UNC13C: variants seen among roughly 807,000 people sequenced by gnomAD.
The protein encoded by UNC13C is protein unc-13 homolog C.
Under a neutral mutation model 245.4 loss-of-function variants are expected in UNC13C, and 174 were observed. The ratio of observed to expected loss-of-function variants is 0.71; its 90% CI spans 0.63 to 0.80. The LOEUF is 0.80. Among genes scored for constraint, UNC13C ranks in the 30% least tolerant of loss-of-function variants. UNC13C has a pLI of 0.00. For synonymous variants in UNC13C, 992 were observed against 895.1 expected (o/e 1.11, Z -1.93); for missense variants, 2,829 against 2,602.9 (o/e 1.09, Z -1.89).
chr15:54,501,659 C>T (rs574416746), intron 22 of UNC13C, among the ~76,000 whole-genome samples: 144 of 151,950 alleles, frequency 9.5e-4, no homozygotes, highest in Non-Finnish European at 1.9e-3. Context: ...TGAAAGATGA[C>T]GTGAAAAGGG....
chr15:54,525,646 C>T lies in UNC13C; in HGVS notation c.5546+9C>T, dbSNP rs1239712048. On this transcript the variant is annotated intron_variant, in intron 25 of 32. Coordinates refer to ENST00000260323, the MANE Select transcript of UNC13C (RefSeq NM_001080534.3). ...GTCACTTATGGTGAAAGGTAAGTGG[C>T]CTCTGTTGTCATTATCTAAATTAGA... The T allele has an allele frequency of 3.1e-6, 5 of 1,606,244 alleles. No individual in the cohort carries two copies. Among genetic ancestry groups the T allele is most frequent in the African/African-American group, 1.3e-5 (1 of 74,746 alleles).
chr15:54,132,074 C>CTTTTTCTTTTT (rs1555420958), intron 2 of UNC13C, among the ~76,000 whole-genome samples: 1 of 110,646 alleles, frequency 9.0e-6, no homozygotes, highest in Non-Finnish European at 2.0e-5. Context: ...TTTTCTTTTT[C>CTTTTTCTTTTT]TTTTTTTTTT....
In UNC13C at chr15:54,622,424, AC is replaced by A. The variant is rs777863469; in HGVS notation, c.6199+6del. The A allele has an allele frequency of 5.0e-6, 8 of 1,606,108 alleles. No homozygotes were observed. Among genetic ancestry groups the A allele is most frequent in the Non-Finnish European group, 6.8e-6 (8 of 1,173,074 alleles). On this transcript the variant is annotated splice_donor_region_variant and intron_variant, in intron 31 of 32. Transcript: ENST00000260323. ...ATCATAAAGTCACTGTAAAAGGTATACTTCTGGTCTAGATAAATCAAAACAG... is the reference window on the plus strand; with the variant it reads ...ATCATAAAGTCACTGTAAAAGGTATATTCTGGTCTAGATAAATCAAAACAG...
the UNC13C span, among the ~76,000 whole-genome samples, chr15:53,927,917 G>A: frequency 6.6e-6 from 1 of 152,160 alleles, no homozygotes; most frequent in African/African-American, 2.4e-5. Flanking sequence ...ATGATAGAAT[G>A]CGCAAAATTA....
chr15:54,481,302 A>T (rs948928054), intron 19 of UNC13C, among the ~76,000 whole-genome samples: 2 of 152,030 alleles, frequency 1.3e-5, no homozygotes, highest in Non-Finnish European at 2.9e-5. Flanking sequence ...CAGGCCCATG[A>T]GTGGTGCATG....
At chr15:54,391,909 T>C (rs1461235160) in intron 17 of UNC13C, among the ~76,000 whole-genome samples, 1 of 152,058 alleles carries the variant, frequency 6.6e-6, no homozygotes, top group African/African-American at 2.4e-5. Flanking sequence ...CTGGAACATA[T>C]GCATATACAA....
At chr15:53,847,184 A>G in the UNC13C span, among the ~76,000 whole-genome samples, 1 of 152,202 alleles carries the variant, frequency 6.6e-6, no homozygotes, top group Non-Finnish European at 1.5e-5. Context: ...TTAACTTTCT[A>G]CAAACAAAGT....
At chr15:53,996,650 C>A (rs1904110) in intron 1 of UNC13C, among the ~76,000 whole-genome samples, 73,852 of 151,904 alleles carry the variant, frequency 0.49, 19,055 homozygotes, top group Non-Finnish European at 0.58. Context: ...CATAGCCAAC[C>A]GTGTTTCAGA....
intron 18 of UNC13C, among the ~76,000 whole-genome samples, chr15:54,404,121 AAACT>A (rs2040244623): frequency 1.3e-5 from 2 of 152,344 alleles, no homozygotes; most frequent in African/African-American, 4.8e-5. Flanking sequence ...AGGGCACAAC[AAACT>A]GTCTCTTAAG....
chr15:54,545,228 G>GA (rs931424471), intron 26 of UNC13C, among the ~76,000 whole-genome samples: 5 of 152,170 alleles, frequency 3.3e-5, no homozygotes, highest in Admixed American at 6.5e-5. Flanking sequence ...ATGATGTTGG[G>GA]AAAACTGGCT....
chr15:54,436,683 A>G (rs2140983868), intron 19 of UNC13C, among the ~76,000 whole-genome samples: 1 of 151,922 alleles, frequency 6.6e-6, no homozygotes, highest in Middle Eastern at 3.4e-3. Flanking sequence ...GTCAAGGGGA[A>G]GAAGAGCCTT....
At position 54,319,577 on chromosome 15, in the gene UNC13C, T is replaced by C. The variant is rs548473012; in HGVS notation, c.4269-2362T>C. ...GCACCTTTAAAGATTTAACCTTTTT[T>C]GTTAATCAGTATTATGACAAAGTAG... On this transcript the variant is annotated intron_variant, in intron 13 of 32. Transcript: ENST00000260323. 8.5e-5 allele frequency among the ~76,000 whole-genome samples: 13 copies of C among 152,080 alleles called. No individual in the cohort carries two copies. The South Asian group carries it at 2.1e-3, about 24-fold the overall frequency.
intron 19 of UNC13C, among the ~76,000 whole-genome samples, chr15:54,416,458 A>G (rs2040523153): frequency 6.6e-6 from 1 of 152,058 alleles, no homozygotes; most frequent in Admixed American, 6.6e-5. Flanking sequence ...TCACACCAGA[A>G]CTGCTCAGAG....
At chr15:54,297,772 GTCAGACATGAC>G in intron 11 of UNC13C, 28 bp from the exon 12 acceptor site, 1 of 1,427,530 alleles carries the variant, frequency 7.0e-7, no homozygotes, top group African/African-American at 1.4e-5. Flanking sequence ...AAACATTATT[GTCAGACATGAC>G]TGACCAATTG....
intron 19 of UNC13C, among the ~76,000 whole-genome samples, chr15:54,481,524 T>G (rs1397523444): frequency 6.6e-6 from 1 of 152,102 alleles, no homozygotes; most frequent in East Asian, 1.9e-4. Flanking sequence ...GTTGGATCAG[T>G]CCCCAGGTCC....
intron 24 of UNC13C, chr15:54,512,377 G>A (rs1438615362): frequency 2.2e-6 from 1 of 455,856 alleles, no homozygotes; most frequent in Non-Finnish European, 4.4e-6. Flanking sequence ...TCTTTTATGA[G>A]GTTTGTGATA....
chr15:54,352,039 A>G (rs1450944858), intron 17 of UNC13C, among the ~76,000 whole-genome samples: 2 of 151,822 alleles, frequency 1.3e-5, no homozygotes, highest in Non-Finnish European at 2.9e-5. Context: ...CAGAGATAGA[A>G]TTAAAGTTAA....
intron 11 of UNC13C, among the ~76,000 whole-genome samples, chr15:54,297,083 C>T (rs963470776): frequency 1.3e-5 from 2 of 152,170 alleles, no homozygotes; most frequent in Non-Finnish European, 2.9e-5. Flanking sequence ...AGAACTTTGG[C>T]TCATCTTTTC....
chr15:54,302,755 C>T (rs777185211), intron 13 of UNC13C, among the ~76,000 whole-genome samples: 1 of 152,046 alleles, frequency 6.6e-6, no homozygotes, highest in Non-Finnish European at 1.5e-5. Flanking sequence ...GCTATGCTGG[C>T]TCTTTTTTTA....
Sources: allele counts gnomAD v4.1 joint callset (sites outside exome capture counted in the v4.1 genomes callset), GRCh38; gene constraint gnomAD v4.1.1; transcripts MANE v1.5; gene names NCBI Gene and HGNC (gene_info 2026-07-23, HGNC 2026-07-21).